Variants in PRDM11 observed in about 807,000 individuals in gnomAD.
PRDM11 encodes the protein PR domain-containing protein 11.
In PRDM11, 20 loss-of-function variants were observed where a neutral mutation model predicts 97.8. That is an observed-to-expected ratio of 0.20 (90% confidence interval 0.14 to 0.30). PRDM11 has a LOEUF of 0.30. Among genes scored for constraint, PRDM11 ranks in the 10% least tolerant of loss-of-function variants. PRDM11 has a pLI of 1.00. For missense variants in PRDM11, 1,139 were observed against 1,555.2 expected, an observed-to-expected ratio of 0.73 and a Z score of 4.50; for synonymous variants, 599 against 637.7, an observed-to-expected ratio of 0.94 and a Z score of 0.91.
At chr11:45,213,398 G>A (rs756416231) in intron 5 of PRDM11, 2 of 445,938 alleles carry the variant, frequency 4.5e-6, no homozygotes, top group Admixed American at 4.7e-5. Flanking sequence ...CAACCTTGGG[G>A]CTGCTGCATC....
rs1281718677 is a variant in PRDM11, at chr11:45,219,520, C to G, written c.555-50C>G. On this transcript the variant is annotated intron_variant, in intron 5 of 7. Coordinates refer to ENST00000683152, the MANE Select transcript of PRDM11 (RefSeq NM_001384648.1). This position sits in a 1 kb window ranked among gnomAD's most constrained non-coding sequence, Gnocchi z 4.2. ...AGCACTGTGCCGGCACCAGCGGGCACTCAACAAAGGGTGGCCCGTGCGTTC... is the reference window on the plus strand; with the variant it reads ...AGCACTGTGCCGGCACCAGCGGGCAGTCAACAAAGGGTGGCCCGTGCGTTC... The G allele has an allele frequency of 1.3e-6, 2 of 1,532,854 alleles. No homozygotes were observed. The highest frequency in any genetic ancestry group is 1.7e-5 in the Admixed American group (1 of 57,262). The allele number at this position is 1,532,854 out of a possible 1,614,324, so 95.0% of individuals were successfully genotyped here.
At chr11:45,096,959 TG>T (rs1321378457) in intron 1 of PRDM11, among the ~76,000 whole-genome samples, 1 of 152,218 alleles carries the variant, frequency 6.6e-6, no homozygotes, top group African/African-American at 2.4e-5. Flanking sequence ...CCAGTCTCCT[TG>T]CTCCTCTGAG....
intron 4 of PRDM11, among the ~76,000 whole-genome samples, chr11:45,196,063 G>A (rs1043152845): frequency 6.6e-6 from 1 of 152,130 alleles, no homozygotes; most frequent in African/African-American, 2.4e-5. Context: ...GGTAACTCAA[G>A]GTTTCATCAT....
chr11:45,182,658 C>T (rs536056086), intron 3 of PRDM11, among the ~76,000 whole-genome samples: 64 of 152,192 alleles, frequency 4.2e-4, no homozygotes, highest in Non-Finnish European at 8.7e-4. Flanking sequence ...AAACTTGAGA[C>T]AAAGGTAGCT....
chr11:45,197,272 G>C (rs1033568454), intron 4 of PRDM11, among the ~76,000 whole-genome samples: 4 of 152,142 alleles, frequency 2.6e-5, no homozygotes, highest in African/African-American at 9.7e-5. Flanking sequence ...CCTGATACCA[G>C]TTATAGGAGG....
Position 45,234,586 on chromosome 11 carries a change from A to G in PRDM11, c.*6427A>G, listed in dbSNP as rs566630730. On this transcript the variant is annotated 3_prime_UTR_variant, in exon 8 of 8. Coordinates refer to ENST00000683152, the MANE Select transcript of PRDM11 (RefSeq NM_001384648.1). The stretch of plus-strand genomic sequence containing the variant: ...CTAGACCCACGGCCAGGGGATGGGC[A>G]TCCCCAGGTAGCAATCCCACAATGC... 4.9e-4 allele frequency: 75 copies of G among 152,422 alleles called. No individual in the cohort carries two copies. Among genetic ancestry groups the G allele is most frequent in the African/African-American group, 1.8e-3 (75 of 41,548 alleles). The allele number at this position is 152,422 out of a possible 1,614,324, so 9.4% of individuals were successfully genotyped here.
chr11:45,109,842 T>G (rs550568168), intron 1 of PRDM11, among the ~76,000 whole-genome samples: 4 of 152,314 alleles, frequency 2.6e-5, no homozygotes, highest in African/African-American at 9.6e-5. Flanking sequence ...TCCTTCCCTT[T>G]CTGAGTCTCT....
intron 5 of PRDM11, among the ~76,000 whole-genome samples, chr11:45,214,898 C>A (rs780962171): frequency 1.3e-5 from 2 of 152,142 alleles, no homozygotes; most frequent in African/African-American, 4.8e-5. Context: ...CTATAAACTG[C>A]CAGATTCCCT....
chr11:45,150,840 C>G (rs1437960790), intron 1 of PRDM11, among the ~76,000 whole-genome samples: 1 of 152,180 alleles, frequency 6.6e-6, no homozygotes, highest in African/African-American at 2.4e-5. Flanking sequence ...TTATTGTGTG[C>G]TATCTGTGGT....
intron 5 of PRDM11, among the ~76,000 whole-genome samples, chr11:45,209,994 C>T (rs541540115): frequency 1.3e-4 from 20 of 152,162 alleles, no homozygotes; most frequent in Admixed American, 1.2e-3. Flanking sequence ...TACGAGGCCC[C>T]GCATCAGGAA....
chr11:45,154,709 C>T (rs1156946765), intron 1 of PRDM11, among the ~76,000 whole-genome samples: 1 of 152,166 alleles, frequency 6.6e-6, no homozygotes, highest in Non-Finnish European at 1.5e-5. Flanking sequence ...AACCAGAACT[C>T]TCCTCCTCCC....
chr11:45,169,874 C>T (rs1038529969), intron 1 of PRDM11, among the ~76,000 whole-genome samples: 2 of 152,212 alleles, frequency 1.3e-5, no homozygotes, highest in African/African-American at 4.8e-5. Context: ...ATGAGTAATC[C>T]ATTCGATAAA....
intron 1 of PRDM11, among the ~76,000 whole-genome samples, chr11:45,101,384 T>C (rs573176069): frequency 2.4e-4 from 36 of 152,100 alleles, no homozygotes; most frequent in African/African-American, 8.2e-4. Flanking sequence ...GGTGAAACCC[T>C]GTCTCTACTT....
chr11:45,213,241 G>A (rs182700051), intron 5 of PRDM11: 1 of 456,504 alleles, frequency 2.2e-6, no homozygotes, highest in Non-Finnish European at 4.4e-6. Context: ...CTCATCTTTG[G>A]CGGATGCTGA....
intron 1 of PRDM11, among the ~76,000 whole-genome samples, chr11:45,154,881 C>A (rs557582709): frequency 6.6e-6 from 1 of 152,312 alleles, no homozygotes; most frequent in Non-Finnish European, 1.5e-5. Context: ...AAATCTAGCA[C>A]CCCTTCCTCT....
chr11:45,158,401 C>T (rs1282091162), intron 1 of PRDM11, among the ~76,000 whole-genome samples: 7 of 152,254 alleles, frequency 4.6e-5, no homozygotes, highest in East Asian at 1.9e-4. Context: ...ACAGGCTGGG[C>T]CCCAGCAGCA....
chr11:45,180,646 C>T (rs1172291423), intron 1 of PRDM11, among the ~76,000 whole-genome samples: 3 of 150,870 alleles, frequency 2.0e-5, no homozygotes, highest in Non-Finnish European at 4.4e-5. Context: ...CCACATGCCC[C>T]CGCAAGGAAT....
At position 45,230,060 on chromosome 11, in the gene PRDM11, G is replaced by A. The variant is rs1590488692; in HGVS notation, c.*1901G>A. On this transcript the variant is annotated 3_prime_UTR_variant, in exon 8 of 8. Transcript: ENST00000683152. The stretch of plus-strand genomic sequence containing the variant: ...CCAATCCCTTCCCCTTCACCTCCAT[G>A]GTCTTGGTGCTAAGATAACTTTAGA... 6.6e-6 allele frequency: 1 copy of A among 151,734 alleles called. No homozygotes were observed. Among genetic ancestry groups the A allele is most frequent in the Non-Finnish European group, 1.5e-5 (1 of 67,976 alleles). 9.4% of individuals were successfully genotyped at this position (151,734 alleles called of 1,614,324 possible).
At chr11:45,217,373 A>G (rs1853986610) in intron 5 of PRDM11, among the ~76,000 whole-genome samples, 1 of 152,152 alleles carries the variant, frequency 6.6e-6, no homozygotes, top group African/African-American at 2.4e-5. Flanking sequence ...TGTGGTCTTC[A>G]CTACTCAGGG....
Sources: gnomAD v4.1 joint callset for allele counts (sites outside exome capture counted in the v4.1 genomes callset) on GRCh38, gnomAD v4.1.1 for gene constraint, Gnocchi (gnomAD v3.1) non-coding constraint, MANE v1.5 for transcripts, NCBI Gene and HGNC (gene_info 2026-07-23, HGNC 2026-07-21) for gene names.